Variants in GALNT13 observed in about 807,000 individuals in gnomAD.
GALNT13 encodes polypeptide N-acetylgalactosaminyltransferase 13.
A neutral mutation model predicts 64.2 loss-of-function variants in GALNT13; 28 were observed. The ratio of observed to expected loss-of-function variants is 0.44; its 90% CI spans 0.32 to 0.60. The LOEUF (loss-of-function observed/expected upper bound fraction) is 0.60. Among genes scored for constraint, GALNT13 ranks in the 20% least tolerant of loss-of-function variants. The probability of loss-of-function intolerance (pLI) is 0.05; values close to 1 mark genes in which losing one functional copy is unlikely to be tolerated. For synonymous variants in GALNT13, 214 were observed against 224.6 expected (o/e 0.95, Z 0.42); for missense variants, 577 against 669.8 (o/e 0.86, Z 1.53).
the GALNT13 span, among the ~76,000 whole-genome samples, chr2:153,395,717 G>T: frequency 6.6e-6 from 1 of 152,052 alleles, no homozygotes. Context: ...CGAAACCTCT[G>T]TTTCGCATTT....
chr2:153,641,549 G>C, the GALNT13 span, among the ~76,000 whole-genome samples: 1 of 152,062 alleles, frequency 6.6e-6, no homozygotes, highest in Non-Finnish European at 1.5e-5. Context: ...TACAAATTTT[G>C]ACTAGTTGAA....
the GALNT13 span, among the ~76,000 whole-genome samples, chr2:153,785,145 G>A: frequency 8.5e-5 from 13 of 152,300 alleles, no homozygotes; most frequent in African/African-American, 3.1e-4. Flanking sequence ...AGCCTTAGGT[G>A]CTGTTGCTTT....
At chr2:153,539,374 T>C in the GALNT13 span, among the ~76,000 whole-genome samples, 19 of 152,160 alleles carry the variant, frequency 1.2e-4, no homozygotes, top group South Asian at 3.9e-3. Context: ...TTTCTTTTGC[T>C]GTGCAGAAGC....
At chr2:153,770,476 A>C in the GALNT13 span, among the ~76,000 whole-genome samples, 3 of 152,182 alleles carry the variant, frequency 2.0e-5, no homozygotes, top group African/African-American at 7.2e-5. Flanking sequence ...TGGTATCAGG[A>C]AGCTTATCTT....
the GALNT13 span, among the ~76,000 whole-genome samples, chr2:153,082,573 T>TTATATATATATA: frequency 4.9e-5 from 2 of 40,560 alleles, no homozygotes; most frequent in Non-Finnish European, 8.1e-5. Context: ...TTAGGCTGGT[T>TTATATATATATA]TATATATATA....
At chr2:153,951,814 C>G (rs572151425) in intron 3 of GALNT13, among the ~76,000 whole-genome samples, 57 of 152,142 alleles carry the variant, frequency 3.7e-4, no homozygotes, top group African/African-American at 1.3e-3. Context: ...TACATTCTGA[C>G]CTTTTATTAA....
intron 3 of GALNT13, among the ~76,000 whole-genome samples, chr2:153,957,828 A>T (rs1692676813): frequency 6.6e-6 from 1 of 152,084 alleles, no homozygotes; most frequent in Admixed American, 6.6e-5. Flanking sequence ...GCTTACCCAT[A>T]TACTTTTTCC....
chr2:153,837,062 A>G, the GALNT13 span, among the ~76,000 whole-genome samples: 7,985 of 149,328 alleles, frequency 0.053, 286 homozygotes, highest in East Asian at 0.13. Context: ...TTCTAGTTCT[A>G]GATCCCTGGG....
At chr2:153,974,565 G>A (rs1693955694) in intron 3 of GALNT13, among the ~76,000 whole-genome samples, 1 of 151,998 alleles carries the variant, frequency 6.6e-6, no homozygotes, top group African/African-American at 2.4e-5. Context: ...CATGCTAGTG[G>A]AGGAGATAAT....
intron 9 of GALNT13, among the ~76,000 whole-genome samples, chr2:154,371,604 G>T (rs1314151276): frequency 6.6e-6 from 1 of 151,924 alleles, no homozygotes; most frequent in African/African-American, 2.4e-5. Context: ...TCTTGAGGAG[G>T]GCAGAGGGGA....
At chr2:154,294,602 T>C (rs1306442547) in intron 8 of GALNT13, among the ~76,000 whole-genome samples, 2 of 152,182 alleles carry the variant, frequency 1.3e-5, no homozygotes, top group South Asian at 2.1e-4. Flanking sequence ...TTAACCCAAG[T>C]TTTATGTCAA....
the GALNT13 span, among the ~76,000 whole-genome samples, chr2:153,418,604 A>T: frequency 2.0e-5 from 3 of 152,212 alleles, no homozygotes. Flanking sequence ...AGAAATGAAC[A>T]TTGTTTTTAG....
chr2:153,516,916 A>C, the GALNT13 span, among the ~76,000 whole-genome samples: 2 of 151,574 alleles, frequency 1.3e-5, no homozygotes, highest in Non-Finnish European at 1.5e-5. Flanking sequence ...CAAATAACTT[A>C]CTCTCTTGTA....
chr2:153,529,177 G>A, the GALNT13 span, among the ~76,000 whole-genome samples: 1 of 151,562 alleles, frequency 6.6e-6, no homozygotes, highest in African/African-American at 2.4e-5. Flanking sequence ...CTTTTAGCTA[G>A]ACTAAATAAA....
chr2:153,675,261 G>A, the GALNT13 span, among the ~76,000 whole-genome samples: 17 of 152,190 alleles, frequency 1.1e-4, no homozygotes, highest in African/African-American at 3.4e-4. Flanking sequence ...GTTTATTGTC[G>A]CACTGTTTGC....
the GALNT13 span, among the ~76,000 whole-genome samples, chr2:153,185,888 G>A: frequency 2.6e-5 from 4 of 151,962 alleles, no homozygotes; most frequent in African/African-American, 4.8e-5. Flanking sequence ...TTATGTGATC[G>A]ATTTTAGAGT....
intron 9 of GALNT13, among the ~76,000 whole-genome samples, chr2:154,370,204 T>C (rs1001234765): frequency 2.0e-5 from 3 of 152,100 alleles, no homozygotes; most frequent in South Asian, 2.1e-4. Flanking sequence ...GGGATTTATA[T>C]ATAGGTAGAA....
chr2:153,525,933 G>A, the GALNT13 span, among the ~76,000 whole-genome samples: 130 of 152,358 alleles, frequency 8.5e-4, no homozygotes, highest in African/African-American at 3.0e-3. Context: ...ACATGGACCT[G>A]TGGTGGTGGA....
chr2:153,660,433 T>A, the GALNT13 span, among the ~76,000 whole-genome samples: 1 of 151,908 alleles, frequency 6.6e-6, no homozygotes, highest in African/African-American at 2.4e-5. Context: ...TTGAAAAATT[T>A]TGAGCAAGGA....
Sources: gnomAD v4.1 joint callset for allele counts (sites outside exome capture counted in the v4.1 genomes callset) on GRCh38, gnomAD v4.1.1 for gene constraint, MANE v1.5 for transcripts, NCBI Gene and HGNC (gene_info 2026-07-23, HGNC 2026-07-21) for gene names.